UBE2N: variants seen among roughly 807,000 people sequenced by gnomAD.
The protein encoded by UBE2N is ubiquitin-conjugating enzyme E2 N.
For synonymous variants in UBE2N, 70 were observed against 69.2 expected (o/e 1.01, Z -0.06); for missense variants, 60 against 192.1 (o/e 0.31, Z 4.07).
intron 1 of UBE2N, among the ~76,000 whole-genome samples, chr12:93,421,249 T>C (rs1878401961): frequency 1.3e-5 from 2 of 151,532 alleles, no homozygotes; most frequent in East Asian, 3.9e-4. Flanking sequence ...TCACCCAGGC[T>C]GGAGTGCAGT....
intron 1 of UBE2N, among the ~76,000 whole-genome samples, chr12:93,414,775 C>T (rs997209734): frequency 6.6e-6 from 1 of 152,266 alleles, no homozygotes; most frequent in East Asian, 1.9e-4. Context: ...ACCCTGCACA[C>T]TCCCTATCCC....
chr12:93,416,296 C>T (rs914298061), intron 1 of UBE2N, among the ~76,000 whole-genome samples: 1 of 152,118 alleles, frequency 6.6e-6, no homozygotes, highest in Non-Finnish European at 1.5e-5. Context: ...CAAAAACTGG[C>T]TAGGAAATAA....
At chr12:93,438,377 G>A (rs1878999744) in intron 1 of UBE2N, among the ~76,000 whole-genome samples, 1 of 152,182 alleles carries the variant, frequency 6.6e-6, no homozygotes, top group Non-Finnish European at 1.5e-5. Flanking sequence ...TGACATATGA[G>A]CTAAGAACGG....
At chr12:93,414,978 T>C (rs754372816) in intron 1 of UBE2N, among the ~76,000 whole-genome samples, 2 of 152,154 alleles carry the variant, frequency 1.3e-5, no homozygotes, top group Non-Finnish European at 2.9e-5. Context: ...TTTGATGTTA[T>C]GAAAAGAGGG....
chr12:93,436,379 T>C (rs58551789), intron 1 of UBE2N, among the ~76,000 whole-genome samples: 184 of 152,308 alleles, frequency 1.2e-3, no homozygotes, highest in African/African-American at 4.0e-3. Flanking sequence ...ACTGAGATTA[T>C]AGGCATGAGC....
intron 1 of UBE2N, chr12:93,441,389 C>G (rs938584754): frequency 6.3e-6 from 1 of 159,286 alleles, no homozygotes; most frequent in African/African-American, 2.4e-5. Context: ...GGTTGCCGCA[C>G]CTCCGCGGCC....
chr12:93,438,750 G>T (rs184676245), intron 1 of UBE2N, among the ~76,000 whole-genome samples: 3 of 152,060 alleles, frequency 2.0e-5, no homozygotes, highest in African/African-American at 4.8e-5. Flanking sequence ...TGAAAGACAG[G>T]GGGGAAAGTG....
intron 2 of UBE2N, 64 bp from the exon 3 acceptor site, chr12:93,410,938 T>C: frequency 6.2e-7 from 1 of 1,613,838 alleles, no homozygotes; most frequent in Non-Finnish European, 8.5e-7. Context: ...CTGCTTCACT[T>C]CCCTCCCACA....
At chr12:93,414,221 G>A (rs946032290) in intron 1 of UBE2N, among the ~76,000 whole-genome samples, 25 of 151,456 alleles carry the variant, frequency 1.7e-4, no homozygotes, top group African/African-American at 5.1e-4. Context: ...AGGCCGAGGC[G>A]GGTGGATCGG....
intron 1 of UBE2N, among the ~76,000 whole-genome samples, chr12:93,432,820 TTTAAA>T (rs1311756074): frequency 3.9e-5 from 6 of 152,168 alleles, no homozygotes; most frequent in African/African-American, 1.4e-4. Flanking sequence ...CTAAAATTAC[TTTAAA>T]TTACAGTAGA....
intron 1 of UBE2N, among the ~76,000 whole-genome samples, chr12:93,414,559 C>T (rs1302862859): frequency 6.6e-6 from 1 of 151,944 alleles, no homozygotes; most frequent in Non-Finnish European, 1.5e-5. Flanking sequence ...CAGCTGTTCT[C>T]TCTCCATCCC....
At chr12:93,411,438 C>T (rs1408198698) in intron 1 of UBE2N, 139 bp from the exon 2 acceptor site, 2 of 1,190,988 alleles carry the variant, frequency 1.7e-6, no homozygotes, top group Admixed American at 3.2e-5. Context: ...TTATAAAATG[C>T]AAAATTCAAA....
chr12:93,425,093 A>C (rs1878539461), intron 1 of UBE2N, among the ~76,000 whole-genome samples: 1 of 152,222 alleles, frequency 6.6e-6, no homozygotes, highest in African/African-American at 2.4e-5. Flanking sequence ...GTATTACGTT[A>C]GGGTCTGTTC....
chr12:93,432,744 T>C (rs1002166776), intron 1 of UBE2N, among the ~76,000 whole-genome samples: 4 of 151,840 alleles, frequency 2.6e-5, no homozygotes, highest in Admixed American at 2.6e-4. Flanking sequence ...AAATTGAAAA[T>C]CTAAAGACAA....
chr12:93,432,495 C>A (rs926687228), intron 1 of UBE2N, among the ~76,000 whole-genome samples: 253 of 146,486 alleles, frequency 1.7e-3, no homozygotes, highest in African/African-American at 5.9e-3. Context: ...AAAAACAAAA[C>A]AAAACAGCTA....
chr12:93,423,358 T>A (rs1878476303), intron 1 of UBE2N, among the ~76,000 whole-genome samples: 1 of 152,180 alleles, frequency 6.6e-6, no homozygotes, highest in African/African-American at 2.4e-5. Flanking sequence ...GAAGAAAAGG[T>A]TAAGAGTTAG....
chr12:93,408,266 A>G lies in UBE2N; in HGVS notation c.*1773T>C, dbSNP rs1391788988. 3.3e-5 allele frequency: 5 copies of G among 152,246 alleles called. No homozygotes were observed. Among genetic ancestry groups the G allele is most frequent in the Admixed American group, 1.3e-4 (2 of 15,290 alleles). The allele number at this position is 152,246 out of a possible 1,614,324, so 9.4% of individuals were successfully genotyped here. A position where few individuals can be genotyped will look rare whatever the true frequency, so the allele number is the denominator to read the frequency against. On this transcript the variant is annotated 3_prime_UTR_variant, in exon 4 of 4. Coordinates refer to ENST00000318066, the MANE Select transcript of UBE2N (RefSeq NM_003348.4). ...CTGCTATCAGTTTTCAAATTTTACAATATTAGGGTTGTTAACTATTTCATT... is the reference window on the plus strand; with the variant it reads ...CTGCTATCAGTTTTCAAATTTTACAGTATTAGGGTTGTTAACTATTTCATT...
At chr12:93,422,569 C>T (rs1878450023) in intron 1 of UBE2N, among the ~76,000 whole-genome samples, 1 of 152,068 alleles carries the variant, frequency 6.6e-6, no homozygotes, top group African/African-American at 2.4e-5. Context: ...AGGAAATGTT[C>T]TTCTGTATTC....
chr12:93,435,020 C>T (rs1277930223), intron 1 of UBE2N, among the ~76,000 whole-genome samples: 4 of 152,140 alleles, frequency 2.6e-5, no homozygotes, highest in African/African-American at 9.7e-5. Context: ...ATCTTCCTGC[C>T]TCAGTCTTCT....
Sources: gnomAD v4.1 joint callset for allele counts (sites outside exome capture counted in the v4.1 genomes callset) on GRCh38, gnomAD v4.1.1 for gene constraint, MANE v1.5 for transcripts, NCBI Gene and HGNC (gene_info 2026-07-23, HGNC 2026-07-21) for gene names.